ZNF248: variants seen among roughly 807,000 people sequenced by gnomAD.
ZNF248 encodes zinc finger protein 248, also known as KRAB protein domain.
In ZNF248, 20 loss-of-function variants were observed where a neutral mutation model predicts 44.3. The observed-to-expected ratio is 0.45, with a 90% confidence interval of 0.32 to 0.66. The LOEUF (loss-of-function observed/expected upper bound fraction) is 0.66, where lower values mean the gene tolerates loss of function less well. Among genes scored for constraint, ZNF248 ranks in the 30% least tolerant of loss-of-function variants. ZNF248 has a pLI of 0.04. For synonymous variants in ZNF248, 224 were observed against 229.0 expected (o/e 0.98, Z 0.20); for missense variants, 654 against 677.0 (o/e 0.97, Z 0.38).
intron 6 of ZNF248, among the ~76,000 whole-genome samples, chr10:37,809,375 T>G (rs1404594777): frequency 6.6e-6 from 1 of 152,186 alleles, no homozygotes; most frequent in Non-Finnish European, 1.5e-5. Context: ...CCTCCCAGGT[T>G]CAAGTGATTC....
intron 6 of ZNF248, among the ~76,000 whole-genome samples, chr10:37,780,161 T>A (rs1285289791): frequency 1.3e-5 from 2 of 151,016 alleles, no homozygotes; most frequent in East Asian, 1.9e-4. Flanking sequence ...ATTGGAAAAA[T>A]CTACTTTAAA....
At chr10:37,850,008 T>C (rs1589945616) in intron 3 of ZNF248, among the ~76,000 whole-genome samples, 1 of 151,746 alleles carries the variant, frequency 6.6e-6, no homozygotes, top group Non-Finnish European at 1.5e-5. Flanking sequence ...GGGGCAGAGG[T>C]TGCAATGAGC....
downstream of ZNF248, among the ~76,000 whole-genome samples, chr10:37,828,005 A>AG (rs1210123894): frequency 6.6e-6 from 1 of 152,226 alleles, no homozygotes; most frequent in Non-Finnish European, 1.5e-5. Context: ...TCTATGACTG[A>AG]GCAATTCTCA....
Position 37,830,268 on chromosome 10 carries a change from T to C in ZNF248, c.*1347A>G. On this transcript the variant is annotated 3_prime_UTR_variant, in exon 6 of 6. Transcript: ENST00000395867. ...CATTACAGAATGACCCAGAGGTAGC[T>C]GAAAAACCTCAGAAAAGTACTGTTT... is the stretch of plus-strand genomic sequence containing the variant. The C allele has an allele frequency of 1.0e-6, 1 of 985,430 alleles. No homozygotes were observed. Among genetic ancestry groups the C allele is most frequent in the African/African-American group, 1.7e-5 (1 of 57,360 alleles). The allele number at this position is 985,430 out of a possible 1,614,324, so 61.0% of individuals were successfully genotyped here.
At chr10:37,793,828 TATAAA>T in intron 6 of ZNF248, among the ~76,000 whole-genome samples, 1 of 152,362 alleles carries the variant, frequency 6.6e-6, no homozygotes, top group Non-Finnish European at 1.5e-5. Flanking sequence ...GGCTTTATGC[TATAAA>T]ATATTTCACA....
intron 6 of ZNF248, among the ~76,000 whole-genome samples, chr10:37,780,137 A>C (rs1178547289): frequency 1.3e-5 from 2 of 150,838 alleles, no homozygotes; most frequent in Non-Finnish European, 3.0e-5. Flanking sequence ...GCTAACAATG[A>C]CTTTCTTCAC....
the ZNF248 span, among the ~76,000 whole-genome samples, chr10:37,764,585 G>A: frequency 6.6e-6 from 1 of 152,088 alleles, no homozygotes; most frequent in South Asian, 2.1e-4. Context: ...CACAGAAGCT[G>A]CCGACATGTG....
chr10:37,823,293 C>T (rs1305833766), intron 6 of ZNF248, among the ~76,000 whole-genome samples: 7 of 136,202 alleles, frequency 5.1e-5, no homozygotes, highest in African/African-American at 2.0e-4. Flanking sequence ...GAGATTGCGC[C>T]ACTGCCCTCC....
At chr10:37,813,524 T>G (rs1051578600) in intron 6 of ZNF248, among the ~76,000 whole-genome samples, 1 of 152,130 alleles carries the variant, frequency 6.6e-6, no homozygotes, top group Admixed American at 6.6e-5. Context: ...CTATTCAATG[T>G]GATGACAATG....
chr10:37,789,646 C>T (rs1408876801), intron 6 of ZNF248, among the ~76,000 whole-genome samples: 2 of 152,168 alleles, frequency 1.3e-5, no homozygotes, highest in Non-Finnish European at 2.9e-5. Context: ...CAGCTGATGG[C>T]ATTCAGCCTC....
chr10:37,822,704 C>T (rs2053674089), intron 6 of ZNF248, among the ~76,000 whole-genome samples: 1 of 152,058 alleles, frequency 6.6e-6, no homozygotes. Context: ...GAAGAAATGT[C>T]TTTGGCCACA....
chr10:37,818,899 A>G, intron 6 of ZNF248: 1 of 1,082,290 alleles, frequency 9.2e-7, no homozygotes, highest in Non-Finnish European at 1.4e-6. Flanking sequence ...CCCTCCAGAA[A>G]GACACTGATA....
At chr10:37,790,635 G>T (rs1371521460) in intron 6 of ZNF248, among the ~76,000 whole-genome samples, 1 of 151,946 alleles carries the variant, frequency 6.6e-6, no homozygotes, top group Non-Finnish European at 1.5e-5. Context: ...TCTTGAACCT[G>T]GGAGGCAGTG....
At position 37,849,291 on chromosome 10, in the gene ZNF248, T is replaced by A. The variant is rs144024748; in HGVS notation, c.15+7005A>T. ...CTGTATTCCAGCCTGGGTAACAGAGTGAGATCCTGTCTTTAAAGAAAAAAA... is the reference window on the plus strand; with the variant it reads ...CTGTATTCCAGCCTGGGTAACAGAGAGAGATCCTGTCTTTAAAGAAAAAAA... On this transcript the variant is annotated intron_variant, in intron 3 of 5. Transcript: ENST00000395867. 3.8e-3 allele frequency among the ~76,000 whole-genome samples: 563 copies of A among 149,998 alleles called. 5 individuals are homozygous for A. Among genetic ancestry groups the A allele is most frequent in the African/African-American group, 0.013 (535 of 40,710 alleles).
Position 37,829,397 on chromosome 10 carries a change from G to A in ZNF248, c.*2218C>T. 4 of 985,386 alleles carry A rather than the reference G, an allele frequency of 4.1e-6. No homozygotes were observed. Among genetic ancestry groups the A allele is most frequent in the Non-Finnish European group, 4.8e-6 (4 of 829,934 alleles). 61.0% of individuals were successfully genotyped at this position (985,386 alleles called of 1,614,324 possible). On this transcript the variant is annotated 3_prime_UTR_variant, in exon 6 of 6. Transcript: ENST00000395867. ...AGTTGGAGAATTCTGTTTTCCACCAGAAAGAACCATGGCTGATACAAACAG... is the reference window on the plus strand; with the variant it reads ...AGTTGGAGAATTCTGTTTTCCACCAAAAAGAACCATGGCTGATACAAACAG...
chr10:37,798,214 A>C (rs997323740), intron 6 of ZNF248, among the ~76,000 whole-genome samples: 1 of 152,192 alleles, frequency 6.6e-6, no homozygotes, highest in African/African-American at 2.4e-5. Context: ...CGGACACCAA[A>C]GGTGACAAAT....
Position 37,855,179 on chromosome 10 carries a change from T to C in ZNF248, c.15+1117A>G, listed in dbSNP as rs1302072793. On this transcript the variant is annotated intron_variant, in intron 3 of 5. Coordinates refer to ENST00000395867, the MANE Select transcript of ZNF248 (RefSeq NM_021045.3). Reference sequence around the variant, plus strand: ...AAAAAAAATAGACATCTTTGGTAGGTTGACCATACATTCCAGTAAGTCTGG... The same window carrying C: ...AAAAAAAATAGACATCTTTGGTAGGCTGACCATACATTCCAGTAAGTCTGG... Among the ~76,000 whole-genome samples the C allele has an allele frequency of 3.3e-5, 5 of 152,306 alleles. No homozygotes were observed. In the East Asian group the frequency reaches 7.7e-4, roughly 23 times the overall value.
intron 4 of ZNF248, 28 bp downstream of exon 4, chr10:37,837,957 T>G: frequency 1.2e-6 from 2 of 1,608,554 alleles, no homozygotes; most frequent in Non-Finnish European, 1.7e-6. Context: ...ATGCTATTGA[T>G]AGCCATGTGC....
intron 6 of ZNF248, among the ~76,000 whole-genome samples, chr10:37,804,697 C>T (rs772802828): frequency 2.0e-5 from 3 of 152,290 alleles, no homozygotes; most frequent in East Asian, 3.9e-4. Flanking sequence ...CTGCCTAGGT[C>T]GCCCAAAGTG....
Sources: allele counts gnomAD v4.1 joint callset (sites outside exome capture counted in the v4.1 genomes callset), GRCh38; gene constraint gnomAD v4.1.1; transcripts MANE v1.5; gene names NCBI Gene and HGNC (gene_info 2026-07-23, HGNC 2026-07-21).